The following LMF1 variants were observed in gnomAD, a reference collection of about 807,000 sequenced individuals.
LMF1 encodes lipase maturation factor 1.
Under a neutral mutation model 60.6 loss-of-function variants are expected in LMF1, and 68 were observed. The observed-to-expected ratio is 1.12, with a 90% CI of 0.92 to 1.37. The LOEUF is 1.37. Among genes scored for constraint, LMF1 ranks in the 40% most tolerant of loss-of-function variants. The probability of loss-of-function intolerance (pLI) is 0.00; values close to 1 mark genes in which losing one functional copy is unlikely to be tolerated. For missense variants in LMF1, 948 were observed against 767.2 expected, an observed-to-expected ratio of 1.24 and a Z score of -2.78; for synonymous variants, 418 against 324.7, an observed-to-expected ratio of 1.29 and a Z score of -3.09.
intron 1 of LMF1, chr16:976,753 A>T (rs921450650): frequency 2.2e-6 from 1 of 454,104 alleles, no homozygotes; most frequent in Non-Finnish European, 4.4e-6. Flanking sequence ...GCTGTTCCCG[A>T]CACATCCGTG....
At chr16:900,266 T>C (rs916952705) in intron 4 of LMF1, 1 of 152,178 alleles carries the variant, frequency 6.6e-6, no homozygotes, top group African/African-American at 2.4e-5. Context: ...GACCCCAAAA[T>C]GGTTCACACT....
At chr16:868,218 A>G (rs2069667769) in intron 10 of LMF1, among the ~76,000 whole-genome samples, 2 of 151,408 alleles carry the variant, frequency 1.3e-5, no homozygotes, top group Admixed American at 6.6e-5. Flanking sequence ...GCCCCACCCC[A>G]CACTGTCCTC....
In LMF1 at chr16:962,332, C is replaced by A. The variant is rs1019753857; in HGVS notation, c.194-7666G>T. ...TAGTGACAAAATCAGTGACCACAAA[C>A]AAGTAAGTAACAAGATCTTCCTCAC... On this transcript the variant is annotated intron_variant, in intron 1 of 10. Transcript: ENST00000262301. The surrounding 1 kb of genome is among the most constrained non-coding windows in gnomAD (Gnocchi z 4.5). Among the ~76,000 whole-genome samples the A allele has an allele frequency of 6.6e-6, 1 of 152,234 alleles. No individual in the cohort carries two copies. The highest frequency in any genetic ancestry group is 1.5e-5 in the Non-Finnish European group (1 of 68,048).
intron 3 of LMF1, among the ~76,000 whole-genome samples, chr16:919,578 C>T (rs912507228): frequency 6.6e-6 from 1 of 152,238 alleles, no homozygotes; most frequent in Non-Finnish European, 1.5e-5. Flanking sequence ...GGACAGTGTG[C>T]GCCCTCAGAG....
chr16:958,890 A>G (rs923506856), intron 1 of LMF1, among the ~76,000 whole-genome samples: 2 of 148,544 alleles, frequency 1.3e-5, no homozygotes, highest in African/African-American at 5.1e-5. Flanking sequence ...GTCTCAAAAA[A>G]AAAACCAAAA....
At chr16:970,531 G>A (rs535553484) in intron 1 of LMF1, among the ~76,000 whole-genome samples, 1 of 152,270 alleles carries the variant, frequency 6.6e-6, no homozygotes, top group South Asian at 2.1e-4. Context: ...GTGCAACTTC[G>A]GGGCTGCGGG....
intron 2 of LMF1, among the ~76,000 whole-genome samples, chr16:952,261 G>A (rs1346699939): frequency 6.6e-6 from 1 of 152,020 alleles, no homozygotes; most frequent in Non-Finnish European, 1.5e-5. Flanking sequence ...CCACACAGTG[G>A]GGACCCCCCT....
rs1567316311 is a variant in LMF1, at chr16:954,958, C to CACACACACA, written c.194-293_194-292insTGTGTGTGT. ...CCCGCAGCAGACGCGGTGTGTGCAT[C>CACACACACA]CACACACACACATATCTAAGTGAAC... On this transcript the variant is annotated intron_variant, in intron 1 of 10. Transcript: ENST00000262301. Among the ~76,000 whole-genome samples the CACACACACA allele has an allele frequency of 4.6e-4, 28 of 60,266 alleles. 1 individual carries two copies. Among genetic ancestry groups the CACACACACA allele is most frequent in the Middle Eastern group, 9.4e-3 (1 of 106 alleles). The allele number at this position is 60,266 out of a possible 152,430, so 39.5% of individuals were successfully genotyped here. A position where few individuals can be genotyped will look rare whatever the true frequency, so the allele number is the denominator to read the frequency against.
Position 859,926 on chromosome 16 carries a change from G to C in LMF1, c.1530-5220C>G, listed in dbSNP as rs149908972. On this transcript the variant is annotated intron_variant, in intron 10 of 10. Coordinates refer to ENST00000262301, the MANE Select transcript of LMF1 (RefSeq NM_022773.4). ...GGGTGTGCAGTGGTGTCACGGGATC[G>C]GTGTGAGTGGTGTCACGGGATGGGT... 5.8e-3 allele frequency among the ~76,000 whole-genome samples: 801 copies of C among 137,204 alleles called. 129 individuals are homozygous for C. Among genetic ancestry groups the C allele is most frequent in the African/African-American group, 0.027 (769 of 28,394 alleles). The allele number at this position is 137,204 out of a possible 152,430, so 90.0% of individuals were successfully genotyped here.
intron 3 of LMF1, among the ~76,000 whole-genome samples, chr16:916,987 C>T (rs985882581): frequency 7.9e-5 from 12 of 152,328 alleles, no homozygotes; most frequent in South Asian, 2.1e-4. Context: ...TATTTCTCTG[C>T]GCAGCGAGCT....
chr16:895,343 C>G (rs766296007), intron 4 of LMF1, among the ~76,000 whole-genome samples: 2 of 152,212 alleles, frequency 1.3e-5, no homozygotes, highest in Non-Finnish European at 2.9e-5. Flanking sequence ...GCCACGTCTG[C>G]GAAACATTAA....
chr16:926,708 C>T (rs946481764), intron 3 of LMF1, among the ~76,000 whole-genome samples: 1 of 152,372 alleles, frequency 6.6e-6, no homozygotes, highest in East Asian at 1.9e-4. Flanking sequence ...CCACGGCCCA[C>T]ACCCTAAGGG....
intron 4 of LMF1, among the ~76,000 whole-genome samples, chr16:894,160 C>T (rs1354024123): frequency 2.0e-5 from 3 of 146,764 alleles, no homozygotes; most frequent in Non-Finnish European, 3.0e-5. Flanking sequence ...CCGGACCGTC[C>T]GCCCACCCGT....
upstream of LMF1, among the ~76,000 whole-genome samples, chr16:973,060 A>G (rs1467183719): frequency 1.3e-5 from 2 of 152,196 alleles, no homozygotes; most frequent in South Asian, 4.1e-4. Context: ...TCAGCCATCA[A>G]AAAGAATCCA....
chr16:915,820 C>G (rs1203012922), intron 3 of LMF1, among the ~76,000 whole-genome samples: 2 of 151,970 alleles, frequency 1.3e-5, no homozygotes, highest in African/African-American at 2.4e-5. Flanking sequence ...GCACCATCAC[C>G]GGGGGCCGGA....
At chr16:932,773 T>C (rs2071828011) in intron 3 of LMF1, among the ~76,000 whole-genome samples, 1 of 152,226 alleles carries the variant, frequency 6.6e-6, no homozygotes, top group African/African-American at 2.4e-5. Context: ...TTTATCTAAA[T>C]GTTGAAGAAT....
chr16:877,965 C>G (rs1201713935), intron 6 of LMF1, among the ~76,000 whole-genome samples: 1 of 152,144 alleles, frequency 6.6e-6, no homozygotes, highest in Non-Finnish European at 1.5e-5. Flanking sequence ...AGAGCTGCAG[C>G]CTACAAACGC....
chr16:880,258 G>A (rs2070125147), intron 5 of LMF1, among the ~76,000 whole-genome samples: 1 of 151,986 alleles, frequency 6.6e-6, no homozygotes, highest in African/African-American at 2.4e-5. Flanking sequence ...CTAAGCGCAA[G>A]ACCTGGCTGT....
chr16:884,099 G>A (rs1158359200), intron 5 of LMF1: 1 of 152,208 alleles, frequency 6.6e-6, no homozygotes, highest in African/African-American at 2.4e-5. Flanking sequence ...TAAACACTGT[G>A]AAATGGCCTC....
Sources: gnomAD v4.1 joint callset for allele counts (sites outside exome capture counted in the v4.1 genomes callset) on GRCh38, gnomAD v4.1.1 for gene constraint, Gnocchi (gnomAD v3.1) non-coding constraint, MANE v1.5 for transcripts, NCBI Gene and HGNC (gene_info 2026-07-23, HGNC 2026-07-21) for gene names.